ZC3H12D: variants seen among roughly 807,000 people sequenced by gnomAD.
ZC3H12D encodes zinc finger CCCH-type containing 12D, also known as probable ribonuclease ZC3H12D.
In ZC3H12D, 11 loss-of-function variants were observed where a neutral mutation model predicts 24.2. That is an observed-to-expected ratio of 0.46 (90% CI 0.29 to 0.75). The LOEUF (loss-of-function observed/expected upper bound fraction) is 0.75, where lower values mean the gene tolerates loss of function less well. ZC3H12D is among the 30% of genes least tolerant of loss of function. ZC3H12D has a pLI of 0.11. For synonymous variants in ZC3H12D, 333 were observed against 341.8 expected (o/e 0.97, Z 0.28); for missense variants, 740 against 767.7 (o/e 0.96, Z 0.43).
At position 149,450,963 on chromosome 6, in the gene ZC3H12D, T is replaced by A; in HGVS notation, c.1304A>T (p.Asp435Val). 2.0e-6 allele frequency: 3 copies of A among 1,525,912 alleles called. No individual in the cohort carries two copies. The highest frequency in any genetic ancestry group is 2.6e-6 in the Non-Finnish European group (3 of 1,138,640). The allele number at this position is 1,525,912 out of a possible 1,614,324, so 94.5% of individuals were successfully genotyped here. A position where few individuals can be genotyped will look rare whatever the true frequency, so the allele number is the denominator to read the frequency against. ...GGAGCGGGGTGGACGGGCCCACGGG[T>A]CGTCGGGTGGCCTGCGCGGGGAAAG... ...DLLSPRRPPD[D>V]PWARPPRSDR... The change falls in exon 6 of 6, where the codon GAC becomes GTC. Residue 435 changes from aspartate to valine, a missense_variant. Physicochemically the swap from Asp to Val is radical, Grantham distance 152. Transcript: ENST00000409806.
rs767325110 is a variant in ZC3H12D, at chr6:149,474,415, CGT to C, written c.127_128del (p.Thr43GlyfsTer52). 1 of 1,608,352 alleles carries C rather than the reference CGT, an allele frequency of 6.2e-7. No homozygotes were observed. The highest frequency in any genetic ancestry group is 1.7e-5 in the Admixed American group (1 of 59,808). ...GCTCCAGGGCACCCGGGCGGCTGCC[CGT>C]GCGGATAAGCTCCTGCAGCACGTCG... ...VNDVLQELIR[T>X]GSRPGALEHP... On this transcript the variant is annotated frameshift_variant, in exon 2 of 6. Coordinates refer to ENST00000409806, the MANE Select transcript of ZC3H12D (RefSeq NM_207360.3). LOFTEE classifies it high-confidence loss of function.
At chr6:149,471,481 C>T (rs750018240) in intron 2 of ZC3H12D, among the ~76,000 whole-genome samples, 32 of 152,230 alleles carry the variant, frequency 2.1e-4, no homozygotes, top group Non-Finnish European at 3.8e-4. Flanking sequence ...AAAAATAAAT[C>T]CCTGGCCACA....
chr6:149,458,124 G>GTTTTTTTTTTTTTTTT (rs1562472740), intron 3 of ZC3H12D, among the ~76,000 whole-genome samples: 5 of 37,602 alleles, frequency 1.3e-4, no homozygotes, highest in African/African-American at 3.7e-4. Context: ...TTTTTTTTTC[G>GTTTTTTTTTTTTTTTT]TTTCTTTTTT....
chr6:149,471,703 T>C (rs1776246587), intron 2 of ZC3H12D, among the ~76,000 whole-genome samples: 1 of 152,198 alleles, frequency 6.6e-6, no homozygotes, highest in Non-Finnish European at 1.5e-5. Flanking sequence ...ACACAGTCTC[T>C]AGAAGCTGGA....
intron 2 of ZC3H12D, among the ~76,000 whole-genome samples, chr6:149,465,305 G>A (rs1315703438): frequency 6.6e-6 from 1 of 150,704 alleles, no homozygotes; most frequent in East Asian, 1.9e-4. Context: ...AGTGAGCTGA[G>A]ATCAAGCCAC....
intron 1 of ZC3H12D, among the ~76,000 whole-genome samples, chr6:149,475,927 A>G (rs181876959): frequency 6.6e-6 from 1 of 152,136 alleles, no homozygotes. Flanking sequence ...TTCAAAAAAA[A>G]TTTTTTTAAA....
At chr6:149,457,033 T>C (rs1775995982) in intron 3 of ZC3H12D, 133 bp from the exon 4 acceptor site, 2 of 826,962 alleles carry the variant, frequency 2.4e-6, no homozygotes, top group Admixed American at 2.8e-5. Context: ...AAAACACCAG[T>C]TTTTGCCGCC....
rs374868647 is a variant in ZC3H12D, at chr6:149,482,136, T to C, written c.-71+2677A>G. ...GGGCAAATGTGGCCAGGAGAGCTGT[T>C]TTCACACTAAACTGAAAGAATGCAT... On this transcript the variant is annotated intron_variant, in intron 1 of 5. Transcript: ENST00000409806. Among the ~76,000 whole-genome samples, 19 of 152,370 alleles carry C rather than the reference T, an allele frequency of 1.2e-4. No individual in the cohort carries two copies. In the South Asian group the frequency reaches 3.9e-3, roughly 32 times the overall value.
rs1441410183 is a variant in ZC3H12D, at chr6:149,451,327, C to A, written c.940G>T (p.Gly314Cys). The A allele has an allele frequency of 1.7e-5, 23 of 1,374,484 alleles. No homozygotes were observed. Among genetic ancestry groups the A allele is most frequent in the Non-Finnish European group, 2.1e-5 (23 of 1,074,588 alleles). 85.1% of individuals were successfully genotyped at this position (1,374,484 alleles called of 1,614,324 possible). A position where few individuals can be genotyped will look rare whatever the true frequency, so the allele number is the denominator to read the frequency against. Residue 314 changes from glycine to cysteine, a missense_variant, in exon 6 of 6, where the codon GGC (glycine) becomes TGC (cysteine). Transcript: ENST00000409806. Reference sequence around the variant, plus strand: ...GGGGCCGCCCGGGCTCCTGCGGAGCCGCCCGGGGCTCTCGGTGGCCGCTGC... The same window carrying A: ...GGGGCCGCCCGGGCTCCTGCGGAGCAGCCCGGGGCTCTCGGTGGCCGCTGC... ...EEQRPPRAPG[G>C]SAGARAAPRE... is the part of the protein sequence containing the mutation.
intron 2 of ZC3H12D, among the ~76,000 whole-genome samples, chr6:149,473,226 G>A (rs1208925487): frequency 1.3e-5 from 2 of 151,838 alleles, no homozygotes; most frequent in Admixed American, 6.6e-5. Flanking sequence ...TGCAAACCTC[G>A]GTCCTGCAAC....
chr6:149,472,125 G>A (rs1181594846), intron 2 of ZC3H12D, among the ~76,000 whole-genome samples: 2 of 152,164 alleles, frequency 1.3e-5, no homozygotes, highest in African/African-American at 2.4e-5. Context: ...CAGACCCGGA[G>A]GGACATGAGT....
rs200879087 is a variant in ZC3H12D at position 149,456,253 on chromosome 6, A to AAAAAT, written c.680+408_680+412dup. On this transcript the variant is annotated intron_variant, in intron 4 of 5. Coordinates refer to ENST00000409806, the MANE Select transcript of ZC3H12D (RefSeq NM_207360.3). This position sits in a 1 kb window ranked among gnomAD's most constrained non-coding sequence, Gnocchi z 4.3. ...GGTGACAGAGCAAGACTCCATCTCA[A>AAAAAT]AAAATAAAATAAAATAAAATAAAAT... Among the ~76,000 whole-genome samples, 23,946 of 149,962 alleles carry AAAAAT rather than the reference A, an allele frequency of 0.16. 2,259 individuals carry two copies. Among genetic ancestry groups the AAAAAT allele is most frequent in the African/African-American group, 0.26 (10,443 of 40,598 alleles).
At position 149,461,563 on chromosome 6, in the gene ZC3H12D, A is replaced by G. The variant is rs569102326; in HGVS notation, c.445+268T>C. On this transcript the variant is annotated intron_variant, in intron 3 of 5. Coordinates refer to ENST00000409806, the MANE Select transcript of ZC3H12D (RefSeq NM_207360.3). ...TTTTGATAACTTAACACACCAAAAG[A>G]GTAGTTTGTTCATTCATCTACTCAA... 135 of 254,448 alleles carry G rather than the reference A, an allele frequency of 5.3e-4. 1 individual carries two copies. The highest frequency in any genetic ancestry group is 1.9e-3 in the South Asian group (21 of 11,192). The allele number at this position is 254,448 out of a possible 1,614,324, so 15.8% of individuals were successfully genotyped here.
chr6:149,484,145 T>G (rs979828257), intron 1 of ZC3H12D, among the ~76,000 whole-genome samples: 9 of 152,196 alleles, frequency 5.9e-5, no homozygotes, highest in Non-Finnish European at 1.3e-4. Flanking sequence ...GAGTCAGGGA[T>G]GGGCACCCCA....
In ZC3H12D at chr6:149,449,925, C is replaced by CTGTGTGTG. The variant is rs371954872; in HGVS notation, c.*750_*757dup. 12,321 of 143,968 alleles carry CTGTGTGTG rather than the reference C, an allele frequency of 0.086. 546 individuals carry two copies. The highest frequency in any genetic ancestry group is 0.11 in the Non-Finnish European group (7,187 of 65,876). 8.9% of individuals were successfully genotyped at this position (143,968 alleles called of 1,614,324 possible). The stretch of plus-strand genomic sequence containing the variant: ...TGTGAGTATGTACATGTATGATAGA[C>CTGTGTGTG]TGTGTGTGTGTGTGTGTGTGTGTGT... On this transcript the variant is annotated 3_prime_UTR_variant, in exon 6 of 6. Coordinates refer to ENST00000409806, the MANE Select transcript of ZC3H12D (RefSeq NM_207360.3).
intron 1 of ZC3H12D, among the ~76,000 whole-genome samples, chr6:149,474,852 C>T (rs560807228): frequency 3.4e-4 from 52 of 152,320 alleles, no homozygotes; most frequent in Non-Finnish European, 6.2e-4. Flanking sequence ...CACACCCGAC[C>T]GCACACCAGG....
intron 2 of ZC3H12D, among the ~76,000 whole-genome samples, chr6:149,473,307 G>A (rs115825697): frequency 1.7e-3 from 256 of 152,280 alleles, no homozygotes; most frequent in African/African-American, 6.0e-3. Context: ...TCGGTGCCGC[G>A]GAGAATTGCT....
At chr6:149,461,790 C>G in intron 3 of ZC3H12D, 41 bp downstream of exon 3, 1 of 1,523,886 alleles carries the variant, frequency 6.6e-7, no homozygotes, top group Non-Finnish European at 8.8e-7. Context: ...ACCAAGGAAA[C>G]GTGTCTAGTA....
chr6:149,474,572 C>T lies in ZC3H12D; in HGVS notation c.-29G>A, dbSNP rs1366824350. ...GTGCCCAGCGGCCACTGGCGCAGGTCCTGCCCCAGGCTTCCTCCTCTCAGA... is the reference window on the plus strand; with the variant it reads ...GTGCCCAGCGGCCACTGGCGCAGGTTCTGCCCCAGGCTTCCTCCTCTCAGA... On this transcript the variant is annotated 5_prime_UTR_variant, in exon 2 of 6. Coordinates refer to ENST00000409806, the MANE Select transcript of ZC3H12D (RefSeq NM_207360.3). 4 of 1,447,124 alleles carry T rather than the reference C, an allele frequency of 2.8e-6. No individual in the cohort carries two copies. The highest frequency in any genetic ancestry group is 4.9e-5 in the East Asian group (2 of 41,126). The allele number at this position is 1,447,124 out of a possible 1,614,324, so 89.6% of individuals were successfully genotyped here.
Sources: allele counts gnomAD v4.1 joint callset (sites outside exome capture counted in the v4.1 genomes callset), GRCh38; gene constraint gnomAD v4.1.1; non-coding constraint Gnocchi (gnomAD v3.1); transcripts MANE v1.5; gene names NCBI Gene and HGNC (gene_info 2026-07-23, HGNC 2026-07-21).